The following MACF1 variants were observed in gnomAD, a reference collection of about 807,000 sequenced individuals.
The protein encoded by MACF1 is microtubule-actin cross-linking factor 1.
MACF1 carries 193 observed loss-of-function variants against 854.8 expected under a neutral mutation model. That is an observed-to-expected ratio of 0.23 (90% CI 0.20 to 0.25). The LOEUF is 0.25. MACF1 is among the 10% of genes least tolerant of loss of function. The pLI, the probability that MACF1 is intolerant of heterozygous loss-of-function variation, is 1.00. For missense variants in MACF1, 7,722 were observed against 8,929.1 expected (o/e 0.86, Z 5.45); for synonymous variants, 3,185 against 3,226.7 (o/e 0.99, Z 0.44).
chr1:39,277,374 T>G (rs945862863), intron 6 of MACF1, among the ~76,000 whole-genome samples: 9 of 152,228 alleles, frequency 5.9e-5, no homozygotes, highest in African/African-American at 1.9e-4. Context: ...ATACAGTTTT[T>G]TGAAATTACA....
At chr1:39,475,199 A>T (rs570625230) in intron 97 of MACF1, among the ~76,000 whole-genome samples, 13 of 152,230 alleles carry the variant, frequency 8.5e-5, no homozygotes, top group Non-Finnish European at 1.8e-4. Context: ...CCCCTTTTGT[A>T]GGAAAACCCT....
At chr1:39,341,979 A>G (rs943156479) in intron 40 of MACF1, among the ~76,000 whole-genome samples, 1 of 151,994 alleles carries the variant, frequency 6.6e-6, no homozygotes, top group Admixed American at 6.6e-5. Context: ...GGTTTGATAT[A>G]CAGATAATTT....
chr1:39,406,479 C>T (rs1446754270), intron 58 of MACF1, among the ~76,000 whole-genome samples: 12 of 152,144 alleles, frequency 7.9e-5, no homozygotes, highest in Admixed American at 6.5e-5. Flanking sequence ...GTAGCTACGC[C>T]TGTAATCCCA....
intron 2 of MACF1, among the ~76,000 whole-genome samples, chr1:39,129,611 T>C (rs972838364): frequency 2.0e-5 from 3 of 152,136 alleles, no homozygotes; most frequent in African/African-American, 7.2e-5. Context: ...GCATAATCCT[T>C]TCTCTCACTT....
chr1:39,229,393 G>A (rs1465073685), intron 1 of MACF1, among the ~76,000 whole-genome samples: 1 of 152,216 alleles, frequency 6.6e-6, no homozygotes. Flanking sequence ...CACCTGGGAT[G>A]TAGAACAAGC....
At chr1:39,139,311 T>C (rs1643266404) in intron 2 of MACF1, among the ~76,000 whole-genome samples, 1 of 151,822 alleles carries the variant, frequency 6.6e-6, no homozygotes, top group Non-Finnish European at 1.5e-5. Flanking sequence ...TTTTTTTTTT[T>C]CAGACAGTCT....
intron 2 of MACF1, among the ~76,000 whole-genome samples, chr1:39,168,401 T>C (rs1167128382): frequency 6.6e-6 from 1 of 152,238 alleles, no homozygotes; most frequent in Non-Finnish European, 1.5e-5. Context: ...GACTCTTAAC[T>C]GTGGCAGTTT....
chr1:39,381,388 G>GGC, intron 55 of MACF1, among the ~76,000 whole-genome samples: 1 of 141,688 alleles, frequency 7.1e-6, no homozygotes, highest in Non-Finnish European at 1.5e-5. Flanking sequence ...TGGGGGGGGG[G>GGC]ACAGGGTCTT....
In MACF1 at chr1:39,335,037, G is replaced by A; in HGVS notation, c.8449G>A (p.Val2817Ile). 2 of 1,614,050 alleles carry A rather than the reference G, an allele frequency of 1.2e-6. No individual in the cohort carries two copies. Among genetic ancestry groups the A allele is most frequent in the Non-Finnish European group, 1.7e-6 (2 of 1,179,970 alleles). The change falls in exon 37 of 101, where the codon GTT becomes ATT. Residue 2817 changes from valine (V) to isoleucine (I), a missense_variant. Physicochemically the swap from Val to Ile is conservative, Grantham distance 29 (BLOSUM62 3). Transcript: ENST00000564288. ...AGAAGAGAGTGAGAGATTATTTCAAGTTGAAAATCAGTCTGCACAAGAAAA... is the reference window on the plus strand; with the variant it reads ...AGAAGAGAGTGAGAGATTATTTCAAATTGAAAATCAGTCTGCACAAGAAAA... ...KVEESERLFQVENQSAQEKVK... is the reference protein window; with the variant it reads ...KVEESERLFQIENQSAQEKVK...
chr1:39,093,957 G>A (rs1001084307), intron 2 of MACF1, among the ~76,000 whole-genome samples: 1 of 151,334 alleles, frequency 6.6e-6, no homozygotes, highest in Non-Finnish European at 1.5e-5. Flanking sequence ...TTTTGTATTT[G>A]TAGTAGAAAT....
intron 2 of MACF1, among the ~76,000 whole-genome samples, chr1:39,187,668 A>G (rs1216382745): frequency 6.6e-6 from 1 of 152,202 alleles, no homozygotes; most frequent in Non-Finnish European, 1.5e-5. Context: ...GAGTTTGAGT[A>G]TAGAGTTCTA....
chr1:39,105,584 GCA>G lies in MACF1; in HGVS notation c.220+21147_220+21148del. On this transcript the variant is annotated intron_variant, in intron 2 of 93. Transcript: ENST00000361689. The surrounding 1 kb of genome is among the most constrained non-coding windows in gnomAD (Gnocchi z 5.9). ...GCCTCAGCGCGCGGGCCTGGAACCGGCAGCCCCCGGGGCTCGGCGAGAAGGCG... is the reference window on the plus strand; with the variant it reads ...GCCTCAGCGCGCGGGCCTGGAACCGGGCCCCCGGGGCTCGGCGAGAAGGCG... The G allele has an allele frequency of 8.4e-7, 1 of 1,193,854 alleles. No individual in the cohort carries two copies. Among genetic ancestry groups the G allele is most frequent in the Non-Finnish European group, 1.1e-6 (1 of 940,396 alleles). 74.0% of individuals were successfully genotyped at this position (1,193,854 alleles called of 1,614,324 possible).
At position 39,105,664 on chromosome 1, in the gene MACF1, G is replaced by A; in HGVS notation, c.220+21226G>A. The A allele has an allele frequency of 8.1e-7, 1 of 1,237,038 alleles. No homozygotes were observed. 76.6% of individuals were successfully genotyped at this position (1,237,038 alleles called of 1,614,324 possible). On this transcript the variant is annotated intron_variant, in intron 2 of 93. Transcript: ENST00000361689. The surrounding 1 kb of genome is among the most constrained non-coding windows in gnomAD (Gnocchi z 5.9). ...CCGGGTCAGCAGCCGGCCAACCGCAGCCAGGAGAAGGAGTTCGTGCAGGCG... is the reference window on the plus strand; with the variant it reads ...CCGGGTCAGCAGCCGGCCAACCGCAACCAGGAGAAGGAGTTCGTGCAGGCG...
intron 52 of MACF1, among the ~76,000 whole-genome samples, chr1:39,377,899 G>C (rs1649859183): frequency 6.6e-6 from 1 of 151,972 alleles, no homozygotes; most frequent in Admixed American, 6.6e-5. Context: ...AGCTGTTTGA[G>C]AGGCTGAGAT....
intron 2 of MACF1, among the ~76,000 whole-genome samples, chr1:39,147,433 CT>C (rs754830510): frequency 7.0e-6 from 1 of 143,488 alleles, no homozygotes; most frequent in Non-Finnish European, 1.5e-5. Context: ...TTTCCCTTTC[CT>C]TTCCTTTCTT....
At chr1:39,250,410 A>G (rs1161383521) in intron 3 of MACF1, among the ~76,000 whole-genome samples, 1 of 152,168 alleles carries the variant, frequency 6.6e-6, no homozygotes, top group Non-Finnish European at 1.5e-5. Context: ...TTTCAGAAAC[A>G]GTAGATTCAT....
At chr1:39,400,759 C>T (rs994963587) in intron 58 of MACF1, among the ~76,000 whole-genome samples, 4 of 152,144 alleles carry the variant, frequency 2.6e-5, no homozygotes, top group Non-Finnish European at 5.9e-5. Flanking sequence ...CCGCCCACCT[C>T]AGCCTCCCAA....
At chr1:39,102,693 C>T (rs1557454325) in intron 2 of MACF1, 1 of 693,626 alleles carries the variant, frequency 1.4e-6, no homozygotes. Flanking sequence ...TTACTCTTCT[C>T]TTCCACTAGA....
At chr1:39,240,551 T>C (rs1644909869) in intron 2 of MACF1, among the ~76,000 whole-genome samples, 2 of 152,244 alleles carry the variant, frequency 1.3e-5, no homozygotes, top group East Asian at 1.9e-4. Flanking sequence ...CAGGCTGGCA[T>C]GCAATGGTGC....
Sources: gnomAD v4.1 joint callset for allele counts (sites outside exome capture counted in the v4.1 genomes callset) on GRCh38, gnomAD v4.1.1 for gene constraint, Gnocchi (gnomAD v3.1) non-coding constraint, MANE v1.5 for transcripts, NCBI Gene and HGNC (gene_info 2026-07-23, HGNC 2026-07-21) for gene names.